GK: variants seen among roughly 807,000 people sequenced by gnomAD.
GK encodes glycerol kinase, also known as ATP:glycerol 3-phosphotransferase.
A neutral mutation model predicts 56.4 loss-of-function variants in GK; 9 were observed. The ratio of observed to expected loss-of-function variants is 0.16; its 90% confidence interval spans 0.10 to 0.28. The LOEUF is 0.28. GK is among the 10% of genes least tolerant of loss of function. The pLI is 1.00. For missense variants in GK, 161 were observed against 431.4 expected (o/e 0.37, Z 5.55); for synonymous variants, 104 against 144.1 (o/e 0.72, Z 1.99).
chrX:30,653,456 G>A lies in GK; in HGVS notation c.-82G>A. On this transcript the variant is annotated 5_prime_UTR_variant, in exon 1 of 21. Transcript: ENST00000427190. ...CGGACGCGCGCGGCCTCGATCTCTGGACTCGTCACCTGCCCCTCCCCCTCC... is the reference window on the plus strand; with the variant it reads ...CGGACGCGCGCGGCCTCGATCTCTGAACTCGTCACCTGCCCCTCCCCCTCC... 1.1e-6 allele frequency: 1 copy of A among 870,599 alleles called. No individual in the cohort carries two copies. Among genetic ancestry groups the A allele is most frequent in the Admixed American group, 2.2e-5 (1 of 45,378 alleles). The allele number at this position is 870,599 out of a possible 1,213,427, so 71.7% of individuals were successfully genotyped here.
At chrX:30,701,047 C>G in intron 11 of GK, 142 bp downstream of exon 11, 1 of 482,508 alleles carries the variant, frequency 2.1e-6, no homozygotes, top group Non-Finnish European at 3.7e-6. Context: ...ACACTTTTTA[C>G]CATTTTTTTA....
At chrX:30,699,850 T>G (rs1294843328) in intron 9 of GK, 1 of 111,986 alleles carries the variant, frequency 8.9e-6, no homozygotes, top group Admixed American at 9.5e-5. Flanking sequence ...AATTAACTGT[T>G]GCTTATCTAA....
chrX:30,693,626 G>A (rs1935095843), intron 5 of GK, among the ~76,000 whole-genome samples: 1 of 111,387 alleles, frequency 9.0e-6, no homozygotes, highest in Admixed American at 9.6e-5. Context: ...TCAGCTCACT[G>A]CAACCTCTGC....
intron 3 of GK, among the ~76,000 whole-genome samples, chrX:30,671,291 C>CAAAAAAAAA (rs56822779): frequency 1.1e-4 from 3 of 27,306 alleles, no homozygotes; most frequent in African/African-American, 2.6e-4. Flanking sequence ...AACTCCATCT[C>CAAAAAAAAA]AAAAAAAAAA....
intron 4 of GK, among the ~76,000 whole-genome samples, chrX:30,688,501 CAAAAAAAAAAAAA>C (rs34773549): frequency 6.5e-4 from 22 of 33,902 alleles, no homozygotes; most frequent in African/African-American, 2.2e-3. Flanking sequence ...GACTCTGTCT[CAAAAAAAAAAAAA>C]AAAAAAAAGG....
At chrX:30,668,825 C>T (rs1933265212) in intron 3 of GK, among the ~76,000 whole-genome samples, 1 of 111,398 alleles carries the variant, frequency 9.0e-6, no homozygotes, top group Admixed American at 9.6e-5. Flanking sequence ...AAAGTGTGGA[C>T]ACAGGGAGAC....
At chrX:30,719,546 G>A (rs750209531) in intron 15 of GK, 31 bp downstream of exon 15, 7 of 832,570 alleles carry the variant, frequency 8.4e-6, no homozygotes, top group East Asian at 6.3e-5. Flanking sequence ...GTGCTTTTGG[G>A]GATCTTGATT....
intron 8 of GK, 41 bp downstream of exon 8, chrX:30,696,724 C>A (rs1569160319): frequency 4.1e-6 from 4 of 973,512 alleles, no homozygotes; most frequent in African/African-American, 1.9e-5. Context: ...ACCAAAAAAC[C>A]AAAAAACAAA....
chrX:30,721,149 C>G, intron 18 of GK, 154 bp downstream of exon 18: 1 of 544,868 alleles, frequency 1.8e-6, no homozygotes, highest in Non-Finnish European at 3.2e-6. Context: ...TTGGGCTTTA[C>G]TGAATAAATG....
intron 3 of GK, among the ~76,000 whole-genome samples, chrX:30,675,033 T>G (rs1395698203): frequency 9.0e-6 from 1 of 110,656 alleles, no homozygotes; most frequent in Non-Finnish European, 1.9e-5. Flanking sequence ...GTGGGGTCAG[T>G]TGAAGGAAAT....
intron 3 of GK, among the ~76,000 whole-genome samples, chrX:30,672,802 G>A (rs976343259): frequency 4.5e-5 from 5 of 110,470 alleles, no homozygotes; most frequent in Non-Finnish European, 9.5e-5. Context: ...CAACAACATC[G>A]AAACTCTGTC....
intron 20 of GK, 60 bp downstream of exon 20, chrX:30,727,612 CTT>C (rs1186742467): frequency 4.1e-6 from 3 of 727,711 alleles, no homozygotes; most frequent in Admixed American, 2.5e-5. Flanking sequence ...TCGTGTATAA[CTT>C]AGCAGAAATT....
At chrX:30,674,736 A>G (rs1391562278) in intron 3 of GK, among the ~76,000 whole-genome samples, 2 of 111,342 alleles carry the variant, frequency 1.8e-5, no homozygotes, top group African/African-American at 6.5e-5. Context: ...TTTGTTATGT[A>G]GGTATATTGC....
chrX:30,654,307 T>C (rs1047309573), intron 1 of GK, among the ~76,000 whole-genome samples: 1 of 112,437 alleles, frequency 8.9e-6, no homozygotes, highest in African/African-American at 3.2e-5. Context: ...ACACGGAAAT[T>C]CTGTTTCTCT....
intron 6 of GK, chrX:30,694,960 A>T (rs1935170925): frequency 7.9e-6 from 2 of 254,768 alleles, no homozygotes; most frequent in Admixed American, 1.0e-4. Flanking sequence ...AAGCCATAAT[A>T]TGAAACTAAA....
At chrX:30,694,721 T>C (rs1029510743) in intron 6 of GK, among the ~76,000 whole-genome samples, 184 bp downstream of exon 6, 6 of 111,822 alleles carry the variant, frequency 5.4e-5, no homozygotes, top group Non-Finnish European at 1.1e-4. Flanking sequence ...CTACTTCCTC[T>C]TTATTTTTTC....
Position 30,669,750 on chromosome X carries a change from C to T in GK, c.259+1632C>T, listed in dbSNP as rs760942125. On this transcript the variant is annotated intron_variant, in intron 3 of 20. Coordinates refer to ENST00000427190, the MANE Select transcript of GK (RefSeq NM_001205019.2). ...TCATCTTGGCTTTGATACTTACCAT[C>T]GCTCCTGAGCCTTTCCCCTATTTGT... 5.4e-5 allele frequency among the ~76,000 whole-genome samples: 6 copies of T among 110,506 alleles called. No individual in the cohort carries two copies. The South Asian group carries it at 1.9e-3, about 36-fold the overall frequency.
At chrX:30,721,673 T>C (rs1936917661) in intron 18 of GK, 4 of 112,039 alleles carry the variant, frequency 3.6e-5, no homozygotes, top group South Asian at 3.7e-4. Flanking sequence ...CAGATCATCT[T>C]TGGTGCCAGT....
intron 4 of GK, among the ~76,000 whole-genome samples, chrX:30,686,981 C>T (rs2147185990): frequency 9.0e-6 from 1 of 111,002 alleles, no homozygotes; most frequent in South Asian, 3.8e-4. Flanking sequence ...ATCCCCTGTT[C>T]CCTCTAGACA....
Sources: gnomAD v4.1 joint callset for allele counts (sites outside exome capture counted in the v4.1 genomes callset) on GRCh38, gnomAD v4.1.1 for gene constraint, MANE v1.5 for transcripts, NCBI Gene and HGNC (gene_info 2026-07-23, HGNC 2026-07-21) for gene names.